Variants in FHIT observed in about 807,000 individuals in gnomAD.
The protein encoded by FHIT is bis(5'-adenosyl)-triphosphatase.
FHIT carries 19 observed loss-of-function variants against 17.9 expected under a neutral mutation model. That is an observed-to-expected ratio of 1.06 (90% confidence interval 0.74 to 1.56). The LOEUF is 1.56. Ranked by LOEUF, FHIT falls within the 40% of genes most tolerant of loss-of-function variation. The probability of loss-of-function intolerance (pLI) is 0.00; values close to 1 mark genes in which losing one functional copy is unlikely to be tolerated. For synonymous variants in FHIT, 81 were observed against 69.7 expected (o/e 1.16, Z -0.81); for missense variants, 248 against 189.2 (o/e 1.31, Z -1.82).
intron 4 of FHIT, among the ~76,000 whole-genome samples, chr3:60,756,041 T>A (rs1207653295): frequency 6.6e-6 from 1 of 152,264 alleles, no homozygotes; most frequent in Non-Finnish European, 1.5e-5. Context: ...TAAATATTTT[T>A]ACTTTGTAAC....
chr3:60,831,187 A>G (rs1436528256), intron 3 of FHIT, among the ~76,000 whole-genome samples: 1 of 152,230 alleles, frequency 6.6e-6, no homozygotes, highest in Non-Finnish European at 1.5e-5. Flanking sequence ...GTGATTATAT[A>G]TAATGAGGAG....
intron 8 of FHIT, among the ~76,000 whole-genome samples, chr3:59,848,119 C>CAAGAG (rs1701789738): frequency 6.6e-6 from 1 of 152,102 alleles, no homozygotes; most frequent in Non-Finnish European, 1.5e-5. Flanking sequence ...TTTTTGCCCA[C>CAAGAG]CGTGGCTCCC....
intron 7 of FHIT, among the ~76,000 whole-genome samples, chr3:59,938,465 G>A (rs1706351414): frequency 6.6e-6 from 1 of 152,100 alleles, no homozygotes; most frequent in African/African-American, 2.4e-5. Flanking sequence ...GGAAGAACCA[G>A]TCTAGAGATC....
In FHIT at chr3:60,873,177, C is replaced by T. The variant is rs575201719; in HGVS notation, c.-110-51166G>A. On this transcript the variant is annotated intron_variant, in intron 3 of 9. Coordinates refer to ENST00000492590, the MANE Select transcript of FHIT (RefSeq NM_002012.4). The stretch of plus-strand genomic sequence containing the variant: ...AGAGAGAGAGTGAGAGATCACACTA[C>T]CAGGAGCTTCATAAAGAAACCTGCA... Among the ~76,000 whole-genome samples, 604 of 151,386 alleles carry T rather than the reference C, an allele frequency of 4.0e-3. 5 individuals carry two copies. The highest frequency in any genetic ancestry group is 7.0e-3 in the Non-Finnish European group (473 of 67,850).
intron 2 of FHIT, among the ~76,000 whole-genome samples, chr3:61,098,926 G>A (rs2035730779): frequency 6.6e-6 from 1 of 152,160 alleles, no homozygotes; most frequent in African/African-American, 2.4e-5. Flanking sequence ...TATCTTGCCT[G>A]ATTGCCCTGG....
intron 3 of FHIT, among the ~76,000 whole-genome samples, chr3:60,908,218 G>T (rs910975811): frequency 6.6e-6 from 1 of 152,038 alleles, no homozygotes; most frequent in Non-Finnish European, 1.5e-5. Flanking sequence ...ATGGAGTGGG[G>T]GTGTTAAATT....
intron 5 of FHIT, among the ~76,000 whole-genome samples, chr3:60,048,546 G>T (rs972156569): frequency 6.6e-6 from 1 of 152,106 alleles, no homozygotes; most frequent in Admixed American, 6.6e-5. Context: ...TTAGGGCTTC[G>T]GTGTGAATTT....
chr3:61,205,454 C>T (rs1434193571), intron 1 of FHIT, among the ~76,000 whole-genome samples: 1 of 152,146 alleles, frequency 6.6e-6, no homozygotes, highest in Admixed American at 6.5e-5. Context: ...TAAAAGTGTT[C>T]CTATTTCTCC....
chr3:60,639,001 T>C (rs1335520051), intron 4 of FHIT, among the ~76,000 whole-genome samples: 1 of 128,534 alleles, frequency 7.8e-6, no homozygotes, highest in Non-Finnish European at 1.7e-5. Flanking sequence ...GATAGATGCA[T>C]AAATTAAAAA....
At chr3:60,254,019 A>G (rs867469991) in intron 5 of FHIT, among the ~76,000 whole-genome samples, 1 of 152,200 alleles carries the variant, frequency 6.6e-6, no homozygotes, top group Admixed American at 6.5e-5. Context: ...AATACCTGCA[A>G]TACCCTACTT....
At chr3:59,857,362 A>G (rs1361222980) in intron 8 of FHIT, among the ~76,000 whole-genome samples, 1 of 148,772 alleles carries the variant, frequency 6.7e-6, no homozygotes, top group Admixed American at 6.7e-5. Flanking sequence ...AGGTCAGAAT[A>G]TTTTTTTTTT....
intron 2 of FHIT, among the ~76,000 whole-genome samples, chr3:61,163,586 G>C (rs760459839): frequency 3.3e-5 from 5 of 152,122 alleles, no homozygotes; most frequent in Non-Finnish European, 5.9e-5. Flanking sequence ...CCTCTAAAGT[G>C]GGTCATAGGC....
chr3:60,002,018 G>A (rs562495871), intron 7 of FHIT, among the ~76,000 whole-genome samples: 4 of 152,238 alleles, frequency 2.6e-5, no homozygotes, highest in East Asian at 1.9e-4. Flanking sequence ...GAATGTGAAC[G>A]TTAGGATAAA....
intron 5 of FHIT, among the ~76,000 whole-genome samples, chr3:60,235,809 T>C (rs147855758): frequency 6.6e-6 from 1 of 152,148 alleles, no homozygotes; most frequent in East Asian, 1.9e-4. Flanking sequence ...CACAGGAAGG[T>C]TCAATAAATG....
intron 5 of FHIT, among the ~76,000 whole-genome samples, chr3:60,367,315 C>A (rs539162380): frequency 3.3e-5 from 5 of 152,134 alleles, no homozygotes; most frequent in Admixed American, 2.6e-4. Context: ...GCCCTGGGAC[C>A]AAATAGCTAA....
At chr3:60,303,785 C>A (rs1429836846) in intron 5 of FHIT, among the ~76,000 whole-genome samples, 1 of 152,136 alleles carries the variant, frequency 6.6e-6, no homozygotes, top group African/African-American at 2.4e-5. Context: ...GTTGGTTAAG[C>A]CACTGTGATT....
chr3:60,518,179 G>A (rs1381340120), intron 5 of FHIT, among the ~76,000 whole-genome samples: 1 of 152,112 alleles, frequency 6.6e-6, no homozygotes, highest in Non-Finnish European at 1.5e-5. Flanking sequence ...ATTTCTACAT[G>A]TTAATAACAT....
intron 4 of FHIT, among the ~76,000 whole-genome samples, chr3:60,810,687 G>C (rs1387909016): frequency 2.6e-5 from 4 of 152,120 alleles, no homozygotes; most frequent in African/African-American, 9.7e-5. Flanking sequence ...CTCAAGTCTT[G>C]ATGAAGAAAT....
chr3:60,288,571 G>C (rs1378629681), intron 5 of FHIT, among the ~76,000 whole-genome samples: 7 of 68,336 alleles, frequency 1.0e-4, no homozygotes, highest in African/African-American at 3.6e-4. Context: ...GGCACAGTGT[G>C]TGTGTGTGTG....
Sources: gnomAD v4.1 joint callset for allele counts (sites outside exome capture counted in the v4.1 genomes callset) on GRCh38, gnomAD v4.1.1 for gene constraint, MANE v1.5 for transcripts, NCBI Gene and HGNC (gene_info 2026-07-23, HGNC 2026-07-21) for gene names.